The following TNFRSF9 variants were observed in gnomAD, a reference collection of about 807,000 sequenced individuals.
TNFRSF9 encodes tumor necrosis factor receptor superfamily member 9.
Under a neutral mutation model 28.8 loss-of-function variants are expected in TNFRSF9, and 16 were observed. The observed-to-expected ratio is 0.55, with a 90% CI of 0.38 to 0.84. The LOEUF (loss-of-function observed/expected upper bound fraction) is 0.84. TNFRSF9 is among the 40% of genes least tolerant of loss of function. The pLI, the probability that TNFRSF9 is intolerant of heterozygous loss-of-function variation, is 0.00. For synonymous variants in TNFRSF9, 131 were observed against 117.0 expected (o/e 1.12, Z -0.77); for missense variants, 303 against 315.0 (o/e 0.96, Z 0.29).
intron 7 of TNFRSF9, among the ~76,000 whole-genome samples, chr1:7,927,438 C>G (rs1441400103): frequency 6.6e-6 from 1 of 152,068 alleles, no homozygotes; most frequent in African/African-American, 2.4e-5. Flanking sequence ...GCAAGGTGCC[C>G]CCTGACCCCT....
Position 7,920,873 on chromosome 1 carries a change from G to T in TNFRSF9, c.730C>A (p.Arg244=). The T allele has an allele frequency of 6.2e-7, 1 of 1,613,734 alleles. No individual in the cohort carries two copies. Among genetic ancestry groups the T allele is most frequent in the Non-Finnish European group, 8.5e-7 (1 of 1,179,934 alleles). The change falls in exon 8 of 8, where the codon CGA becomes AGA. Residue 244 remains arginine (R), a synonymous_variant. Transcript: ENST00000377507. ...CCTCCTTCTTCTTCTTCTGGAAATC[G>T]GCAGCTACAGCCATCTTCCTCTTGA... is the stretch of plus-strand genomic sequence containing the variant. ...TTQEEDGCSC[R]FPEEEEGGCE... is the part of the protein sequence containing the mutation.
chr1:7,935,897 G>T (rs867697095), intron 5 of TNFRSF9, among the ~76,000 whole-genome samples: 1 of 152,146 alleles, frequency 6.6e-6, no homozygotes, highest in African/African-American at 2.4e-5. Context: ...AAGAACAAAC[G>T]AGTGAGAGTC....
At chr1:7,933,448 T>C in intron 6 of TNFRSF9, 152 bp from the exon 7 acceptor site, 2 of 936,908 alleles carry the variant, frequency 2.1e-6, no homozygotes, top group Non-Finnish European at 3.1e-6. Flanking sequence ...TAGAAAACTT[T>C]TAAAGAGGCC....
Position 7,920,627 on chromosome 1 carries a change from G to T in TNFRSF9, c.*208C>A. ...GGTGGTGCCACTGCACTCCAGCCTG[G>T]GTGACAGAGTGAGACCCTGTCAAAA... On this transcript the variant is annotated 3_prime_UTR_variant, in exon 8 of 8. Coordinates refer to ENST00000377507, the MANE Select transcript of TNFRSF9 (RefSeq NM_001561.6). 2.0e-6 allele frequency: 1 copy of T among 495,998 alleles called. No homozygotes were observed. The highest frequency in any genetic ancestry group is 3.6e-6 in the Non-Finnish European group (1 of 275,918). 30.7% of individuals were successfully genotyped at this position (495,998 alleles called of 1,614,324 possible). A position where few individuals can be genotyped will look rare whatever the true frequency, so the allele number is the denominator to read the frequency against.
intron 4 of TNFRSF9, 53 bp downstream of exon 4, chr1:7,938,140 C>A: frequency 6.8e-7 from 1 of 1,467,682 alleles, no homozygotes; most frequent in Non-Finnish European, 9.1e-7. Context: ...AAGATCAAAG[C>A]TAAGTTTGTC....
intron 7 of TNFRSF9, among the ~76,000 whole-genome samples, chr1:7,931,973 G>A (rs745679971): frequency 4.6e-5 from 7 of 152,180 alleles, no homozygotes; most frequent in South Asian, 4.1e-4. Flanking sequence ...GAGAAACCCC[G>A]TCTCTACTAA....
chr1:7,933,883 G>A (rs1048699498), intron 6 of TNFRSF9, among the ~76,000 whole-genome samples: 1 of 152,068 alleles, frequency 6.6e-6, no homozygotes, highest in South Asian at 2.1e-4. Flanking sequence ...TGGGTGCCGT[G>A]GTGGGCGCCT....
At chr1:7,932,977 C>T (rs908215366) in intron 7 of TNFRSF9, 185 bp downstream of exon 7, 9 of 642,578 alleles carry the variant, frequency 1.4e-5, no homozygotes, top group Admixed American at 6.5e-5. Context: ...CCATCACCAC[C>T]GAGCGGTGAA....
At position 7,921,040 on chromosome 1, in the gene TNFRSF9, A is replaced by AT. The variant is rs1639550610; in HGVS notation, c.680-118dup. The AT allele has an allele frequency of 9.1e-6, 7 of 772,836 alleles. No homozygotes were observed. In the East Asian group the frequency reaches 1.9e-4, roughly 21 times the overall value. 47.9% of individuals were successfully genotyped at this position (772,836 alleles called of 1,614,324 possible). ...TAAGCAGCAAACATTCTCCCCTTTA[A>AT]TTTTAACAAACTCAGCCAGGCGTGG... On this transcript the variant is annotated intron_variant, in intron 7 of 7. Transcript: ENST00000377507.
chr1:7,938,482 T>G, intron 3 of TNFRSF9, 152 bp from the exon 4 acceptor site: 1 of 988,828 alleles, frequency 1.0e-6, no homozygotes, highest in African/African-American at 1.7e-5. Flanking sequence ...TAAAGACATT[T>G]TTACATTTAG....
chr1:7,927,629 T>G (rs161819), intron 7 of TNFRSF9, among the ~76,000 whole-genome samples: 1 of 150,842 alleles, frequency 6.6e-6, no homozygotes, highest in Admixed American at 6.6e-5. Flanking sequence ...ATCACACCAC[T>G]GCACTCCAGC....
chr1:7,925,480 T>C (rs1639638510), intron 7 of TNFRSF9, among the ~76,000 whole-genome samples: 1 of 152,202 alleles, frequency 6.6e-6, no homozygotes, highest in Non-Finnish European at 1.5e-5. Context: ...GGACCAGTTT[T>C]GTGGAAGACA....
chr1:7,938,775 T>C lies in TNFRSF9; in HGVS notation c.154A>G (p.Ser52Gly), dbSNP rs774925474. Residue 52 changes from serine (S) to glycine (G), a missense_variant, in exon 3 of 8, where the codon AGT becomes GGT. Physicochemically the swap from Ser to Gly is moderately conservative, Grantham distance 56. Coordinates refer to ENST00000377507, the MANE Select transcript of TNFRSF9 (RefSeq NM_001561.6). ...NQICSPCPPN[S>G]FSSAGGQRTC... ...CTTTGTCCACCTGCGCTGGAGAAAC[T>C]ATTTGGAGGACAGGGACTGCAAATC... 2 of 1,613,800 alleles carry C rather than the reference T, an allele frequency of 1.2e-6. No individual in the cohort carries two copies. The highest frequency in any genetic ancestry group is 1.7e-6 in the Non-Finnish European group (2 of 1,179,790).
chr1:7,918,297 A>AT lies in TNFRSF9; in HGVS notation c.*2537dup, dbSNP rs1298339812. 2.6e-5 allele frequency: 4 copies of AT among 152,090 alleles called. No individual in the cohort carries two copies. The highest frequency in any genetic ancestry group is 4.8e-5 in the African/African-American group (2 of 41,422). 9.4% of individuals were successfully genotyped at this position (152,090 alleles called of 1,614,324 possible). On this transcript the variant is annotated 3_prime_UTR_variant, in exon 8 of 8. Coordinates refer to ENST00000377507, the MANE Select transcript of TNFRSF9 (RefSeq NM_001561.6). ...TACCGTGCCTGGCCACAAAGAAGAT[A>AT]TTTTTTAACACATATAACTGACCAA...
Position 7,920,126 on chromosome 1 carries a change from A to T in TNFRSF9, c.*709T>A, listed in dbSNP as rs376022203. ...GAACCCACGGAAACTTTAGTCGGGT[A>T]CTTACTGCACCTCGTGGCTTATTGT... On this transcript the variant is annotated 3_prime_UTR_variant, in exon 8 of 8. Coordinates refer to ENST00000377507, the MANE Select transcript of TNFRSF9 (RefSeq NM_001561.6). 2.6e-5 allele frequency: 4 copies of T among 152,274 alleles called. No homozygotes were observed. Among genetic ancestry groups the T allele is most frequent in the Non-Finnish European group, 5.9e-5 (4 of 68,036 alleles). The allele number at this position is 152,274 out of a possible 1,614,324, so 9.4% of individuals were successfully genotyped here. A position where few individuals can be genotyped will look rare whatever the true frequency, so the allele number is the denominator to read the frequency against.
chr1:7,936,673 T>C (rs1639821102), intron 5 of TNFRSF9: 1 of 152,176 alleles, frequency 6.6e-6, no homozygotes, highest in Admixed American at 6.5e-5. Context: ...CCAATACACT[T>C]TTGAAATACA....
intron 7 of TNFRSF9, among the ~76,000 whole-genome samples, chr1:7,922,797 G>A (rs1639580946): frequency 6.6e-6 from 1 of 151,682 alleles, no homozygotes; most frequent in South Asian, 2.1e-4. Flanking sequence ...GGGCAACAGA[G>A]CAAGACTCCA....
chr1:7,940,811 T>G lies in TNFRSF9; in HGVS notation c.-112A>C, dbSNP rs1485911302. ...TGAGATCTCAGGGCTGCCGGAGAAC[T>G]TTCCACTCCTTGGTCTTCAGGCTTC... On this transcript the variant is annotated 5_prime_UTR_variant, in exon 1 of 8. Transcript: ENST00000377507. The G allele has an allele frequency of 6.6e-6, 1 of 152,328 alleles. No homozygotes were observed. The highest frequency in any genetic ancestry group is 2.4e-5 in the African/African-American group (1 of 41,442). The allele number at this position is 152,328 out of a possible 1,614,324, so 9.4% of individuals were successfully genotyped here.
In TNFRSF9 at chr1:7,921,060, G is replaced by A. The variant is rs556764786; in HGVS notation, c.680-137C>T. ...CTTTAATTTTAACAAACTCAGCCAG[G>A]CGTGGTGGCTCATGCCTGTAACCCC... On this transcript the variant is annotated intron_variant, in intron 7 of 7. Coordinates refer to ENST00000377507, the MANE Select transcript of TNFRSF9 (RefSeq NM_001561.6). The A allele has an allele frequency of 4.6e-5, 30 of 653,146 alleles. No homozygotes were observed. In the African/African-American group the frequency reaches 4.9e-4, roughly 11 times the overall value. The allele number at this position is 653,146 out of a possible 1,614,324, so 40.5% of individuals were successfully genotyped here. A position where few individuals can be genotyped will look rare whatever the true frequency, so the allele number is the denominator to read the frequency against.
Sources: allele counts gnomAD v4.1 joint callset (sites outside exome capture counted in the v4.1 genomes callset), GRCh38; gene constraint gnomAD v4.1.1; transcripts MANE v1.5; gene names NCBI Gene and HGNC (gene_info 2026-07-23, HGNC 2026-07-21).